Variants in KCTD8 observed in about 807,000 individuals in gnomAD.
KCTD8 encodes the protein potassium channel tetramerization domain containing 8.
Under a neutral mutation model 31.5 loss-of-function variants are expected in KCTD8, and 27 were observed. The observed-to-expected ratio is 0.86, with a 90% CI of 0.63 to 1.18. KCTD8 has a LOEUF of 1.18. Among genes scored for constraint, KCTD8 ranks in the 50% most tolerant of loss-of-function variants. The probability of loss-of-function intolerance (pLI) is 0.00; values close to 1 mark genes in which losing one functional copy is unlikely to be tolerated. For missense variants in KCTD8, 658 were observed against 647.7 expected, an observed-to-expected ratio of 1.02 and a Z score of -0.17; for synonymous variants, 290 against 280.0, an observed-to-expected ratio of 1.04 and a Z score of -0.36.
At chr4:44,203,972 G>T (rs1714228444) in intron 1 of KCTD8, among the ~76,000 whole-genome samples, 1 of 151,820 alleles carries the variant, frequency 6.6e-6, no homozygotes, top group African/African-American at 2.4e-5. Flanking sequence ...ATGCCTTTAT[G>T]GAAACAAATA....
chr4:44,345,890 T>C lies in KCTD8; in HGVS notation c.961+101673A>G, dbSNP rs1719024249. The stretch of plus-strand genomic sequence containing the variant: ...TACATCATCTAGATGAGAAAACAAA[T>C]AGACTTAAAAAATTAAATAGAAAAG... On this transcript the variant is annotated intron_variant, in intron 1 of 1. Coordinates refer to ENST00000360029, the MANE Select transcript of KCTD8 (RefSeq NM_198353.3). Among the ~76,000 whole-genome samples the C allele has an allele frequency of 2.6e-5, 4 of 151,604 alleles. No homozygotes were observed. In the South Asian group the frequency reaches 8.3e-4, roughly 32 times the overall value.
intron 1 of KCTD8, among the ~76,000 whole-genome samples, chr4:44,402,117 G>T (rs1720678785): frequency 6.6e-6 from 1 of 152,146 alleles, no homozygotes; most frequent in South Asian, 2.1e-4. Context: ...GCATTTGAAT[G>T]ATTATAGAGC....
At chr4:44,441,238 T>TAAA (rs35613521) in intron 1 of KCTD8, among the ~76,000 whole-genome samples, 1 of 149,976 alleles carries the variant, frequency 6.7e-6, no homozygotes. Flanking sequence ...ATACTACTAC[T>TAAA]AAAAAAAAAA....
intron 1 of KCTD8, among the ~76,000 whole-genome samples, chr4:44,328,115 A>T (rs1688408195): frequency 2.0e-5 from 3 of 151,970 alleles, no homozygotes; most frequent in Non-Finnish European, 4.4e-5. Context: ...ATAAAAACAC[A>T]TAATGATTAG....
intron 1 of KCTD8, among the ~76,000 whole-genome samples, chr4:44,302,790 T>C (rs57116251): frequency 0.029 from 4,467 of 152,006 alleles, 254 homozygotes; most frequent in African/African-American, 0.1. Flanking sequence ...CATCCCTGTC[T>C]TGTGCCAGTT....
At chr4:44,247,040 T>A (rs768259524) in intron 1 of KCTD8, among the ~76,000 whole-genome samples, 6 of 152,014 alleles carry the variant, frequency 3.9e-5, no homozygotes, top group Non-Finnish European at 8.8e-5. Flanking sequence ...CATTTCCAAT[T>A]TATATCCATA....
rs757459146 is a variant in KCTD8, at chr4:44,174,967, G to A, written c.1245C>T (p.Thr415=). 5 of 1,613,942 alleles carry A rather than the reference G, an allele frequency of 3.1e-6. No individual in the cohort carries two copies. The African/African-American group carries it at 6.7e-5, about 22-fold the overall frequency. ...TTGTTTCCCGGGACTTGCTGATGAG[G>A]GTCTGAAAGAGTTCACTGTTTCTGC... is the stretch of plus-strand genomic sequence containing the variant. The part of the protein sequence containing the change: ...DKRRNSELFQ[T]LISKSRETNL... The change falls in exon 2 of 2, where the codon ACC becomes ACT. Residue 415 remains threonine (T), a synonymous_variant. Transcript: ENST00000360029.
Position 44,186,646 on chromosome 4 carries a change from C to T in KCTD8, c.962-11396G>A, listed in dbSNP as rs543825147. On this transcript the variant is annotated intron_variant, in intron 1 of 1. Transcript: ENST00000360029. ...ACACTCCCCACGACCTGCCCGTCTG[C>T]GTCCTCCCCCTAGGGGTTTTGAGCA... is the stretch of plus-strand genomic sequence containing the variant. Among the ~76,000 whole-genome samples the T allele has an allele frequency of 2.1e-3, 317 of 152,318 alleles. 2 individuals carry two copies. The highest frequency in any genetic ancestry group is 3.7e-3 in the Admixed American group (57 of 15,304).
At chr4:44,330,907 A>G (rs921808806) in intron 1 of KCTD8, among the ~76,000 whole-genome samples, 4 of 151,794 alleles carry the variant, frequency 2.6e-5, no homozygotes, top group African/African-American at 9.7e-5. Flanking sequence ...ACTGGTACAA[A>G]TGCAGTTTCC....
chr4:44,287,207 A>G (rs1012172908), intron 1 of KCTD8, among the ~76,000 whole-genome samples: 2 of 152,134 alleles, frequency 1.3e-5, no homozygotes, highest in African/African-American at 4.8e-5. Flanking sequence ...GCTTGAGCCC[A>G]TGAGTTCAAG....
At chr4:44,375,788 T>C (rs1423500987) in intron 1 of KCTD8, among the ~76,000 whole-genome samples, 6 of 152,244 alleles carry the variant, frequency 3.9e-5, no homozygotes, top group East Asian at 3.9e-4. Flanking sequence ...ATGACAACAA[T>C]AGATTATTTA....
chr4:44,357,025 T>C (rs376915692), intron 1 of KCTD8, among the ~76,000 whole-genome samples: 2 of 151,858 alleles, frequency 1.3e-5, no homozygotes. Flanking sequence ...CTTTGTAAGA[T>C]GTCATGCCAT....
intron 1 of KCTD8, among the ~76,000 whole-genome samples, chr4:44,215,418 G>C (rs1179064533): frequency 6.6e-6 from 1 of 152,126 alleles, no homozygotes; most frequent in Non-Finnish European, 1.5e-5. Context: ...TTAAGAAATA[G>C]AGAATAGGAT....
intron 1 of KCTD8, among the ~76,000 whole-genome samples, chr4:44,392,793 T>C (rs1391943736): frequency 1.3e-5 from 2 of 151,994 alleles, no homozygotes; most frequent in Non-Finnish European, 2.9e-5. Flanking sequence ...CAGAGAACAG[T>C]CTAGCTTCAT....
intron 1 of KCTD8, among the ~76,000 whole-genome samples, chr4:44,405,298 G>T (rs575470095): frequency 6.6e-6 from 1 of 151,970 alleles, no homozygotes; most frequent in Admixed American, 6.6e-5. Flanking sequence ...TCGCTCTGTC[G>T]CCAGGCTGGA....
chr4:44,267,202 C>A lies in KCTD8; in HGVS notation c.962-91952G>T, dbSNP rs1365678807. ...AAATTATAACAAATTGTCTCTCAGACCACAGTGCAATCAAACTAGAACTCA... is the reference window on the plus strand; with the variant it reads ...AAATTATAACAAATTGTCTCTCAGAACACAGTGCAATCAAACTAGAACTCA... On this transcript the variant is annotated intron_variant, in intron 1 of 1. Coordinates refer to ENST00000360029, the MANE Select transcript of KCTD8 (RefSeq NM_198353.3). Among the ~76,000 whole-genome samples, 4 of 152,286 alleles carry A rather than the reference C, an allele frequency of 2.6e-5. No homozygotes were observed. The East Asian group carries it at 7.7e-4, about 29-fold the overall frequency.
intron 1 of KCTD8, among the ~76,000 whole-genome samples, chr4:44,375,839 A>G (rs897044547): frequency 6.6e-6 from 1 of 152,162 alleles, no homozygotes; most frequent in Non-Finnish European, 1.5e-5. Context: ...TTAAGGGATT[A>G]TACCAAATCC....
chr4:44,175,084 G>A lies in KCTD8; in HGVS notation c.1128C>T (p.Ala376=), dbSNP rs762207450. ...TAGGTTGGTGAGCTGTTGCCTGCTGGGCACTGGATGGGTTGTCCTGGGGAG... is the reference window on the plus strand; with the variant it reads ...TAGGTTGGTGAGCTGTTGCCTGCTGAGCACTGGATGGGTTGTCCTGGGGAG... ...ASTPQDNPSS[A]QQATAHQPNT... The change falls in exon 2 of 2, where the codon GCC becomes GCT. Residue 376 remains alanine (A), a synonymous_variant. Transcript: ENST00000360029. 2.6e-5 allele frequency: 42 copies of A among 1,613,920 alleles called. No homozygotes were observed. Among genetic ancestry groups the A allele is most frequent in the Non-Finnish European group, 3.3e-5 (39 of 1,179,992 alleles).
At chr4:44,409,398 G>A (rs1275703939) in intron 1 of KCTD8, among the ~76,000 whole-genome samples, 2 of 152,036 alleles carry the variant, frequency 1.3e-5, no homozygotes, top group Non-Finnish European at 2.9e-5. Flanking sequence ...ATCTGTGCTA[G>A]GAGGGTGGTT....
Sources: allele counts gnomAD v4.1 joint callset (sites outside exome capture counted in the v4.1 genomes callset), GRCh38; gene constraint gnomAD v4.1.1; transcripts MANE v1.5; gene names NCBI Gene and HGNC (gene_info 2026-07-23, HGNC 2026-07-21).